Variants in MTHFD1 observed in about 807,000 individuals in gnomAD.
The protein encoded by MTHFD1 is C-1-tetrahydrofolate synthase, cytoplasmic.
A neutral mutation model predicts 110.3 loss-of-function variants in MTHFD1; 44 were observed. The ratio of observed to expected loss-of-function variants is 0.40; its 90% CI spans 0.31 to 0.51. The LOEUF (loss-of-function observed/expected upper bound fraction) is 0.51. MTHFD1 is among the 20% of genes least tolerant of loss of function. The pLI is 0.60. For missense variants in MTHFD1, 909 were observed against 1,173.1 expected, an observed-to-expected ratio of 0.77 and a Z score of 3.29; for synonymous variants, 402 against 428.8, an observed-to-expected ratio of 0.94 and a Z score of 0.77.
chr14:64,425,439 G>A lies in MTHFD1; in HGVS notation c.856-291G>A, dbSNP rs537110654. ...TTGGTTAGGCTGGTCTGGAACTCCC[G>A]ACCTCAGGTGATCCGCCCACCTTGG... is the stretch of plus-strand genomic sequence containing the variant. On this transcript the variant is annotated intron_variant, in intron 9 of 27. Transcript: ENST00000652337. 2.1e-4 allele frequency among the ~76,000 whole-genome samples: 32 copies of A among 152,130 alleles called. 1 individual carries two copies. Among genetic ancestry groups the A allele is most frequent in the South Asian group, 1.5e-3 (7 of 4,796 alleles).
At chr14:64,444,652 T>G (rs767842138) in intron 21 of MTHFD1, 41 bp from the exon 22 acceptor site, 1 of 1,612,566 alleles carries the variant, frequency 6.2e-7, no homozygotes, top group Admixed American at 1.7e-5. Flanking sequence ...CTAGGAGATT[T>G]AAATAGGAAA....
At chr14:64,434,418 GGCAT>G (rs1396001313) in intron 15 of MTHFD1, among the ~76,000 whole-genome samples, 1 of 151,956 alleles carries the variant, frequency 6.6e-6, no homozygotes, top group Non-Finnish European at 1.5e-5. Flanking sequence ...CAGGTGTGGT[GGCAT>G]GCACCTGTAG....
intron 16 of MTHFD1, among the ~76,000 whole-genome samples, chr14:64,437,927 G>A (rs553139866): frequency 1.3e-5 from 2 of 152,106 alleles, no homozygotes; most frequent in Admixed American, 6.6e-5. Flanking sequence ...AGGCTAGAGT[G>A]CAATGGAGTG....
intron 12 of MTHFD1, among the ~76,000 whole-genome samples, chr14:64,428,227 T>A (rs1048061792): frequency 1.3e-5 from 2 of 149,972 alleles, no homozygotes; most frequent in African/African-American, 4.9e-5. Flanking sequence ...GAGACTCTCC[T>A]GCCACAGCCT....
At chr14:64,405,732 A>T (rs1304122725) in intron 2 of MTHFD1, among the ~76,000 whole-genome samples, 1 of 152,144 alleles carries the variant, frequency 6.6e-6, no homozygotes, top group Non-Finnish European at 1.5e-5. Flanking sequence ...GGTTCTATCT[A>T]TATACCTCCT....
intron 24 of MTHFD1, among the ~76,000 whole-genome samples, chr14:64,453,301 GT>G (rs1262767430): frequency 6.6e-6 from 1 of 152,090 alleles, no homozygotes; most frequent in East Asian, 1.9e-4. Context: ...GCTGGGTGCA[GT>G]GGCTCACACC....
chr14:64,397,037 G>A (rs375329268), intron 1 of MTHFD1, among the ~76,000 whole-genome samples: 8 of 131,576 alleles, frequency 6.1e-5, no homozygotes, highest in East Asian at 2.5e-4. Context: ...CCCGGGAGGC[G>A]GAGCTTGCAG....
chr14:64,389,615 A>G (rs1450502434), intron 1 of MTHFD1, among the ~76,000 whole-genome samples: 1 of 152,072 alleles, frequency 6.6e-6, no homozygotes, highest in Non-Finnish European at 1.5e-5. Flanking sequence ...AGGCTGAGGC[A>G]GGAGAATCAC....
At chr14:64,456,641 G>T (rs528667247) in intron 26 of MTHFD1, among the ~76,000 whole-genome samples, 1 of 152,032 alleles carries the variant, frequency 6.6e-6, no homozygotes, top group Non-Finnish European at 1.5e-5. Context: ...GTCATCTTCC[G>T]GTTTTTCTGC....
At chr14:64,421,257 T>C (rs1429206641) in intron 8 of MTHFD1, among the ~76,000 whole-genome samples, 1 of 152,188 alleles carries the variant, frequency 6.6e-6, no homozygotes, top group Non-Finnish European at 1.5e-5. Flanking sequence ...CCTAGATAGC[T>C]CCTCAAGGGC....
chr14:64,446,912 T>A (rs575777431), intron 22 of MTHFD1, among the ~76,000 whole-genome samples: 2 of 152,142 alleles, frequency 1.3e-5, no homozygotes, highest in African/African-American at 4.8e-5. Flanking sequence ...GGCGTGATCA[T>A]AGCTGCAGCC....
At chr14:64,457,949 C>T (rs1294063225) in intron 26 of MTHFD1, 3 of 559,492 alleles carry the variant, frequency 5.4e-6, no homozygotes, top group African/African-American at 3.8e-5. Flanking sequence ...CCCAGGCAAT[C>T]GGATGATCAT....
At position 64,435,644 on chromosome 14, in the gene MTHFD1, G is replaced by T; in HGVS notation, c.1570G>T (p.Asp524Tyr). Residue 524 changes from aspartate to tyrosine, a missense_variant, in exon 16 of 28, where the codon GAT (aspartate) becomes TAT (tyrosine). Asp to Tyr is a radical substitution (Grantham distance 160). Transcript: ENST00000652337. ...EINRFARLDI[D>Y]PETITWQRVL... ...AAACAGATTTGCAAGATTGGACATT[G>T]ATCCAGAAACCATAACTTGGCAAAG... is the stretch of plus-strand genomic sequence containing the variant. The T allele has an allele frequency of 1.2e-6, 2 of 1,612,160 alleles. No homozygotes were observed. Among genetic ancestry groups the T allele is most frequent in the Non-Finnish European group, 1.7e-6 (2 of 1,178,282 alleles).
intron 24 of MTHFD1, among the ~76,000 whole-genome samples, chr14:64,450,709 GT>G (rs553893868): frequency 2.0e-3 from 307 of 152,098 alleles, no homozygotes; most frequent in African/African-American, 7.1e-3. Flanking sequence ...TGATTTTTTT[GT>G]TTTGTTTTTT....
At chr14:64,456,337 G>A (rs1247259455) in intron 26 of MTHFD1, among the ~76,000 whole-genome samples, 1 of 152,080 alleles carries the variant, frequency 6.6e-6, no homozygotes, top group Non-Finnish European at 1.5e-5. Flanking sequence ...TTGCCGTTGG[G>A]GCCTTAACGA....
At chr14:64,440,014 A>C in intron 17 of MTHFD1, 112 bp from the exon 18 acceptor site, 1 of 896,248 alleles carries the variant, frequency 1.1e-6, no homozygotes, top group Non-Finnish European at 1.7e-6. Context: ...CTGTTATTCT[A>C]TCCTTTTAAG....
intron 22 of MTHFD1, among the ~76,000 whole-genome samples, chr14:64,445,581 G>GTCAC (rs770781420): frequency 6.6e-6 from 1 of 152,152 alleles, no homozygotes; most frequent in Non-Finnish European, 1.5e-5. Flanking sequence ...GCAATACAGG[G>GTCAC]TCACTGTTCA....
intron 2 of MTHFD1, among the ~76,000 whole-genome samples, chr14:64,405,262 T>G (rs985553407): frequency 1.3e-5 from 2 of 152,178 alleles, no homozygotes; most frequent in East Asian, 3.9e-4. Flanking sequence ...AAAGCAACAT[T>G]GGGGGTGTTT....
chr14:64,419,878 T>C lies in MTHFD1; in HGVS notation c.680T>C (p.Ile227Thr). Residue 227 changes from isoleucine to threonine, a missense_variant, in exon 8 of 28, where the codon ATC (isoleucine) becomes ACC (threonine). Ile to Thr is a moderately conservative substitution (Grantham distance 89, BLOSUM62 -1). Around this residue, in one of 3 missense-constraint regions of MTHFD1, gnomAD observed 424 missense variants for 510.4 expected, o/e 0.83. Transcript: ENST00000652337. The stretch of plus-strand genomic sequence containing the variant: ...CCTGAAATGGTTAAAGGGGAGTGGA[T>C]CAAACCTGGGGCAATAGTCATCGAC... The part of the protein sequence containing the change: ...GQPEMVKGEW[I>T]KPGAIVIDCG... 1 of 1,614,110 alleles carries C rather than the reference T, an allele frequency of 6.2e-7. No individual in the cohort carries two copies. Among genetic ancestry groups the C allele is most frequent in the Non-Finnish European group, 8.5e-7 (1 of 1,179,986 alleles).
Sources: allele counts gnomAD v4.1 joint callset (sites outside exome capture counted in the v4.1 genomes callset), GRCh38; gene constraint gnomAD v4.1.1; regional missense constraint gnomAD v4.1.1; transcripts MANE v1.5; gene names NCBI Gene and HGNC (gene_info 2026-07-23, HGNC 2026-07-21).